The following CHODL variants were observed in gnomAD, a reference collection of about 807,000 sequenced individuals.
The protein encoded by CHODL is chondrolectin.
In CHODL, 29 loss-of-function variants were observed where a neutral mutation model predicts 34.5. The observed-to-expected ratio is 0.84, with a 90% CI of 0.63 to 1.15. The LOEUF (loss-of-function observed/expected upper bound fraction) is 1.15, where lower values mean the gene tolerates loss of function less well. Among genes scored for constraint, CHODL ranks in the 50% most tolerant of loss-of-function variants. The probability of loss-of-function intolerance (pLI) is 0.00; values close to 1 mark genes in which losing one functional copy is unlikely to be tolerated. For missense variants in CHODL, 332 were observed against 332.5 expected, an observed-to-expected ratio of 1.00 and a Z score of 0.01; for synonymous variants, 125 against 116.1, an observed-to-expected ratio of 1.08 and a Z score of -0.49.
chr21:18,248,961 A>G (rs2074194575), intron 1 of CHODL, among the ~76,000 whole-genome samples: 1 of 111,322 alleles, frequency 9.0e-6, no homozygotes, highest in African/African-American at 4.3e-5. Flanking sequence ...TATATGTAAT[A>G]TATACATATA....
chr21:18,008,860 T>C (rs1309262567), intron 1 of CHODL, among the ~76,000 whole-genome samples: 1 of 152,218 alleles, frequency 6.6e-6, no homozygotes, highest in Non-Finnish European at 1.5e-5. Context: ...CGTCTAGTTG[T>C]TCTTTGAAAA....
chr21:18,185,685 A>G (rs977550579), intron 2 of CHODL, among the ~76,000 whole-genome samples: 1 of 152,174 alleles, frequency 6.6e-6, no homozygotes, highest in African/African-American at 2.4e-5. Context: ...GGATCCTGTA[A>G]TAAAATATCA....
rs1380432271 is a variant in CHODL at position 18,070,027 on chromosome 21, C to CCT, written c.-45+42057_-45+42058insTC. Among the ~76,000 whole-genome samples, 106 of 68,676 alleles carry CCT rather than the reference C, an allele frequency of 1.5e-3. 2 individuals are homozygous for CCT. The highest frequency in any genetic ancestry group is 2.3e-3 in the Non-Finnish European group (72 of 31,156). The allele number at this position is 68,676 out of a possible 152,430, so 45.1% of individuals were successfully genotyped here. On this transcript the variant is annotated intron_variant, in intron 2 of 6. Coordinates refer to the CHODL transcript ENST00000400127. ...CCCTTCCCTTCCCTTCCCTTCCCTC[C>CCT]CCCCCCCCACCCATTTCCTTTGCTT...
At chr21:18,076,003 G>A (rs1483629666) in intron 2 of CHODL, among the ~76,000 whole-genome samples, 2 of 152,152 alleles carry the variant, frequency 1.3e-5, no homozygotes, top group African/African-American at 2.4e-5. Flanking sequence ...GAAGCATCTC[G>A]ATCTTGGACT....
intron 2 of CHODL, among the ~76,000 whole-genome samples, chr21:18,141,324 C>A (rs1443376515): frequency 6.6e-6 from 1 of 151,782 alleles, no homozygotes; most frequent in Non-Finnish European, 1.5e-5. Flanking sequence ...TAAATACTAA[C>A]AATGGGGAGT....
intron 2 of CHODL, among the ~76,000 whole-genome samples, chr21:18,230,106 G>T (rs1209091516): frequency 6.6e-6 from 1 of 152,096 alleles, no homozygotes; most frequent in Non-Finnish European, 1.5e-5. Flanking sequence ...GGGGAAAAAA[G>T]TTTCTGTACT....
At chr21:18,045,476 T>C (rs2064430521) in intron 2 of CHODL, among the ~76,000 whole-genome samples, 1 of 151,864 alleles carries the variant, frequency 6.6e-6, no homozygotes. Context: ...GGAGTTCAGT[T>C]GCCATAAGCC....
At chr21:17,984,696 G>C (rs892384120) in intron 1 of CHODL, among the ~76,000 whole-genome samples, 14 of 151,826 alleles carry the variant, frequency 9.2e-5, no homozygotes, top group Non-Finnish European at 2.1e-4. Context: ...TGTGTGGAAA[G>C]GCTTTCCCCA....
rs186937413 is a variant in CHODL at position 18,223,445 on chromosome 21, C to T, written c.-44-33064C>T. Among the ~76,000 whole-genome samples the T allele has an allele frequency of 2.0e-4, 30 of 152,236 alleles. No individual in the cohort carries two copies. In the East Asian group the frequency reaches 5.0e-3, roughly 25 times the overall value. On this transcript the variant is annotated intron_variant, in intron 2 of 6. Transcript: ENST00000400127. ...CCTAGGAGAAATGGTCCATGAAATT[C>T]GAGACTTACGATTTACCAACCAGAA...
At chr21:18,115,690 G>A (rs1468524877) in intron 2 of CHODL, among the ~76,000 whole-genome samples, 1 of 152,082 alleles carries the variant, frequency 6.6e-6, no homozygotes, top group East Asian at 1.9e-4. Context: ...TAATTATCCC[G>A]ATCCATGGTA....
Position 18,021,031 on chromosome 21 carries a change from G to A in CHODL, c.-144-6841G>A, listed in dbSNP as rs184301009. 4.7e-4 allele frequency among the ~76,000 whole-genome samples: 72 copies of A among 152,268 alleles called. No individual in the cohort carries two copies. The East Asian group carries it at 6.6e-3, about 14-fold the overall frequency. On this transcript the variant is annotated intron_variant, in intron 1 of 6. Coordinates refer to the CHODL transcript ENST00000400127. ...TATAGAGAACTGTTTGGATCTGTCC[G>A]TTTTGAAATACTGACTTCTCCACTA...
At chr21:18,080,905 G>C (rs763776060) in intron 2 of CHODL, among the ~76,000 whole-genome samples, 11 of 152,102 alleles carry the variant, frequency 7.2e-5, no homozygotes, top group Non-Finnish European at 1.6e-4. Flanking sequence ...GGATTGCCTT[G>C]AATCTATGAA....
intron 5 of CHODL, among the ~76,000 whole-genome samples, chr21:18,263,589 TTTCA>T (rs1349422119): frequency 6.6e-6 from 1 of 152,160 alleles, no homozygotes; most frequent in African/African-American, 2.4e-5. Context: ...TGAAAATGTA[TTTCA>T]TTGTCAAATA....
intron 2 of CHODL, among the ~76,000 whole-genome samples, chr21:18,030,172 T>TTA (rs1399516068): frequency 6.6e-6 from 1 of 152,164 alleles, no homozygotes; most frequent in Non-Finnish European, 1.5e-5. Flanking sequence ...ACTCTTGAGA[T>TTA]TAGGCTACAA....
At chr21:17,956,364 C>T (rs571429894) in intron 1 of CHODL, among the ~76,000 whole-genome samples, 3 of 136,378 alleles carry the variant, frequency 2.2e-5, no homozygotes, top group Non-Finnish European at 5.0e-5. Context: ...GAGGCCCCCC[C>T]AGAAGCAGAT....
At chr21:18,110,788 T>C (rs1254217458) in intron 2 of CHODL, among the ~76,000 whole-genome samples, 5 of 152,318 alleles carry the variant, frequency 3.3e-5, no homozygotes, top group Admixed American at 3.3e-4. Context: ...CAGTTCTAAG[T>C]AACAGACATG....
intron 2 of CHODL, among the ~76,000 whole-genome samples, chr21:18,204,354 C>T (rs1054117217): frequency 1.3e-5 from 2 of 151,986 alleles, no homozygotes; most frequent in Non-Finnish European, 2.9e-5. Context: ...GATAATATCT[C>T]GAAGCATCTC....
At chr21:18,087,604 G>C (rs1251166678) in intron 2 of CHODL, among the ~76,000 whole-genome samples, 2 of 152,084 alleles carry the variant, frequency 1.3e-5, no homozygotes, top group African/African-American at 4.8e-5. Flanking sequence ...CTGCAGACAT[G>C]TCAGCTTAAA....
intron 1 of CHODL, among the ~76,000 whole-genome samples, chr21:18,249,089 AAATATATATATATAAT>A (rs2074201500): frequency 8.0e-6 from 1 of 125,196 alleles, no homozygotes; most frequent in African/African-American, 3.2e-5. Flanking sequence ...ATATATAATA[AAATATATATATATAAT>A]AATATATATA....
Sources: gnomAD v4.1 joint callset for allele counts (sites outside exome capture counted in the v4.1 genomes callset) on GRCh38, gnomAD v4.1.1 for gene constraint, MANE v1.5 for transcripts, NCBI Gene and HGNC (gene_info 2026-07-23, HGNC 2026-07-21) for gene names.